GRM8: variants seen among roughly 807,000 people sequenced by gnomAD.
The protein encoded by GRM8 is metabotropic glutamate receptor 8.
In GRM8, 47 loss-of-function variants were observed where a neutral mutation model predicts 87.2. That is an observed-to-expected ratio of 0.54 (90% confidence interval 0.43 to 0.69). GRM8 has a LOEUF of 0.69. GRM8 is among the 30% of genes least tolerant of loss of function. The pLI is 0.00. For missense variants in GRM8, 1,019 were observed against 1,139.2 expected, an observed-to-expected ratio of 0.89 and a Z score of 1.52; for synonymous variants, 396 against 404.5, an observed-to-expected ratio of 0.98 and a Z score of 0.25.
intron 8 of GRM8, among the ~76,000 whole-genome samples, chr7:126,547,261 C>T (rs1358536392): frequency 6.6e-6 from 1 of 151,998 alleles, no homozygotes; most frequent in Non-Finnish European, 1.5e-5. Flanking sequence ...TTCTGCCATG[C>T]AAAATCAACA....
chr7:126,610,044 G>A (rs138332376), intron 7 of GRM8, among the ~76,000 whole-genome samples: 2 of 152,288 alleles, frequency 1.3e-5, no homozygotes, highest in East Asian at 3.9e-4. Flanking sequence ...CTCAATGGGT[G>A]AGGCATTGAT....
At chr7:127,180,377 G>C (rs1019840498) in intron 2 of GRM8, among the ~76,000 whole-genome samples, 1 of 151,878 alleles carries the variant, frequency 6.6e-6, no homozygotes, top group African/African-American at 2.4e-5. Flanking sequence ...AACACAAAAA[G>C]TCCGGGACCA....
intron 2 of GRM8, among the ~76,000 whole-genome samples, chr7:127,154,498 C>T (rs1283991534): frequency 2.6e-5 from 4 of 152,094 alleles, no homozygotes; most frequent in African/African-American, 4.8e-5. Flanking sequence ...GCCTGTCCCG[C>T]CCCTTTCACA....
chr7:127,236,686 A>T (rs1166413503), intron 2 of GRM8, among the ~76,000 whole-genome samples: 2 of 152,228 alleles, frequency 1.3e-5, no homozygotes, highest in Non-Finnish European at 2.9e-5. Flanking sequence ...AAGCCTAAAC[A>T]TATTGCCCTC....
rs571144454 is a variant in GRM8, at chr7:127,199,422, T to C, written c.510+43273A>G. Among the ~76,000 whole-genome samples the C allele has an allele frequency of 9.2e-3, 1,401 of 152,354 alleles. 6 individuals carry two copies. The highest frequency in any genetic ancestry group is 0.015 in the Non-Finnish European group (1,038 of 68,032). On this transcript the variant is annotated intron_variant, in intron 2 of 10. Transcript: ENST00000339582. ...TTACAAATAAAAGACAAAGAACCTTTCAGCTATTGTGACTAGTTAGTCCCT... is the reference window on the plus strand; with the variant it reads ...TTACAAATAAAAGACAAAGAACCTTCCAGCTATTGTGACTAGTTAGTCCCT...
At chr7:127,106,781 C>CTAAA (rs1825848293) in intron 2 of GRM8, 69 bp from the exon 3 acceptor site, 1 of 1,127,422 alleles carries the variant, frequency 8.9e-7, no homozygotes. Context: ...GTCATATGAG[C>CTAAA]TAAACAGCCA....
At position 126,481,013 on chromosome 7, in the gene GRM8, C is replaced by T. The variant is rs992673413; in HGVS notation, c.2431-34641G>A. On this transcript the variant is annotated intron_variant, in intron 9 of 10. Coordinates refer to ENST00000339582, the MANE Select transcript of GRM8 (RefSeq NM_000845.3). ...AATGATGGGGCATGCCAAAGGTAAACAGGAGCCATCTCAAAGAGCTCTCAA... is the reference window on the plus strand; with the variant it reads ...AATGATGGGGCATGCCAAAGGTAAATAGGAGCCATCTCAAAGAGCTCTCAA... Among the ~76,000 whole-genome samples, 7 of 152,092 alleles carry T rather than the reference C, an allele frequency of 4.6e-5. No individual in the cohort carries two copies. The South Asian group carries it at 1.5e-3, about 32-fold the overall frequency.
chr7:126,701,826 A>G, intron 7 of GRM8: 1 of 1,248,194 alleles, frequency 8.0e-7, no homozygotes, highest in Non-Finnish European at 1.1e-6. Context: ...CTCTTCGGCA[A>G]CCTAAGAAGA....
At chr7:126,778,916 A>T (rs560597706) in intron 6 of GRM8, among the ~76,000 whole-genome samples, 4 of 137,842 alleles carry the variant, frequency 2.9e-5, no homozygotes, top group South Asian at 2.1e-4. Context: ...AGAAGAAAAT[A>T]AAAAAAAATC....
At chr7:126,628,535 G>A (rs1800923986) in intron 7 of GRM8, among the ~76,000 whole-genome samples, 1 of 151,948 alleles carries the variant, frequency 6.6e-6, no homozygotes, top group Non-Finnish European at 1.5e-5. Context: ...CTACAGAGAT[G>A]GCCACAAATA....
At chr7:126,516,013 TA>T (rs1812109848) in intron 9 of GRM8, among the ~76,000 whole-genome samples, 1 of 152,088 alleles carries the variant, frequency 6.6e-6, no homozygotes, top group East Asian at 1.9e-4. Flanking sequence ...TATTCTAATT[TA>T]AGCAATATTT....
Position 126,490,144 on chromosome 7 carries a change from A to G in GRM8, c.2430+42808T>C, listed in dbSNP as rs549800305. ...AAATTCCCATACTAAATCTCCTCTT[A>G]CATATCTATATCTGCGGCCTACTGG... On this transcript the variant is annotated intron_variant, in intron 9 of 10. Coordinates refer to ENST00000339582, the MANE Select transcript of GRM8 (RefSeq NM_000845.3). Among the ~76,000 whole-genome samples the G allele has an allele frequency of 6.6e-5, 10 of 152,178 alleles. No individual in the cohort carries two copies. In the East Asian group the frequency reaches 1.7e-3, roughly 27 times the overall value.
chr7:127,186,786 C>A (rs1294966124), intron 2 of GRM8, among the ~76,000 whole-genome samples: 1 of 152,132 alleles, frequency 6.6e-6, no homozygotes, highest in East Asian at 1.9e-4. Flanking sequence ...ATAGGATGCA[C>A]CTGCTCTGTG....
At chr7:127,144,412 C>T (rs80024119) in intron 2 of GRM8, among the ~76,000 whole-genome samples, 337 of 152,184 alleles carry the variant, frequency 2.2e-3, no homozygotes, top group African/African-American at 7.7e-3. Flanking sequence ...GAAAGCACTA[C>T]CCTTCATAAA....
rs528938423 is a variant in GRM8, at chr7:126,791,694, G to A, written c.1157-21629C>T. The stretch of plus-strand genomic sequence containing the variant: ...AGTCATTATTTTGTTGCCATCAGGT[G>A]AAGAAATAGCTCTTGGTCACAGCTT... On this transcript the variant is annotated intron_variant, in intron 6 of 10. Transcript: ENST00000339582. 4.6e-5 allele frequency among the ~76,000 whole-genome samples: 7 copies of A among 152,328 alleles called. No individual in the cohort carries two copies. In the East Asian group the frequency reaches 1.2e-3, roughly 25 times the overall value.
intron 7 of GRM8, among the ~76,000 whole-genome samples, chr7:126,678,209 G>A (rs1408242197): frequency 6.6e-6 from 1 of 152,090 alleles, no homozygotes; most frequent in Non-Finnish European, 1.5e-5. Context: ...CTGAAGGTTA[G>A]GATTTACGCA....
chr7:126,505,198 G>T (rs868002641), intron 9 of GRM8, among the ~76,000 whole-genome samples: 3 of 151,982 alleles, frequency 2.0e-5, no homozygotes, highest in Non-Finnish European at 2.9e-5. Context: ...ACAGTTCTGC[G>T]TTCCTTCTTG....
At chr7:126,474,363 C>G (rs758900178) in intron 9 of GRM8, among the ~76,000 whole-genome samples, 2 of 152,050 alleles carry the variant, frequency 1.3e-5, no homozygotes, top group African/African-American at 4.8e-5. Context: ...CTACCTCCCA[C>G]GCTTAAGCAA....
At chr7:126,714,620 G>A (rs150987284) in intron 7 of GRM8, among the ~76,000 whole-genome samples, 91 of 152,162 alleles carry the variant, frequency 6.0e-4, no homozygotes, top group African/African-American at 1.9e-3. Flanking sequence ...TGTAATGGGA[G>A]CCCAGATGAA....
Sources: gnomAD v4.1 joint callset for allele counts (sites outside exome capture counted in the v4.1 genomes callset) on GRCh38, gnomAD v4.1.1 for gene constraint, MANE v1.5 for transcripts, NCBI Gene and HGNC (gene_info 2026-07-23, HGNC 2026-07-21) for gene names.